Variants in SLC9A9 observed in about 807,000 individuals in gnomAD.
SLC9A9 encodes sodium/hydrogen exchanger 9.
In SLC9A9, 62 loss-of-function variants were observed where a neutral mutation model predicts 77.8. The ratio of observed to expected loss-of-function variants is 0.80; its 90% CI spans 0.65 to 0.98. The LOEUF (loss-of-function observed/expected upper bound fraction) is 0.98. SLC9A9 is among the 50% of genes least tolerant of loss of function. The pLI is 0.00. For synonymous variants in SLC9A9, 320 were observed against 283.5 expected (o/e 1.13, Z -1.29); for missense variants, 775 against 774.9 (o/e 1.00, Z 0.00).
chr3:143,303,671 T>G (rs981507044), intron 14 of SLC9A9, among the ~76,000 whole-genome samples: 8 of 152,226 alleles, frequency 5.3e-5, no homozygotes, highest in African/African-American at 1.9e-4. Context: ...CAGAGAGGTA[T>G]TTATAAGTGA....
intron 8 of SLC9A9, among the ~76,000 whole-genome samples, chr3:143,553,013 C>T (rs566839026): frequency 1.3e-3 from 205 of 152,262 alleles, no homozygotes; most frequent in Non-Finnish European, 2.4e-3. Flanking sequence ...ACCTTGTTTT[C>T]TCCTGTGCCT....
At chr3:143,590,229 G>T (rs1183540736) in intron 6 of SLC9A9, among the ~76,000 whole-genome samples, 1 of 152,184 alleles carries the variant, frequency 6.6e-6, no homozygotes, top group Non-Finnish European at 1.5e-5. Flanking sequence ...CTGGAAAATG[G>T]TGATAACAAT....
chr3:143,273,062 T>C (rs570835801), intron 14 of SLC9A9, among the ~76,000 whole-genome samples: 1 of 152,274 alleles, frequency 6.6e-6, no homozygotes, highest in Non-Finnish European at 1.5e-5. Context: ...TGACATTGAT[T>C]GATCTTTTGT....
intron 5 of SLC9A9, among the ~76,000 whole-genome samples, chr3:143,656,678 C>A (rs185083564): frequency 1.8e-4 from 27 of 152,316 alleles, no homozygotes; most frequent in Non-Finnish European, 5.9e-5. Flanking sequence ...TACAATAGTT[C>A]CTACCCCTGT....
chr3:143,353,887 G>T (rs1001538094), intron 14 of SLC9A9, among the ~76,000 whole-genome samples: 1 of 152,152 alleles, frequency 6.6e-6, no homozygotes, highest in Non-Finnish European at 1.5e-5. Context: ...ACAGCAATAA[G>T]ATCTGTGACA....
chr3:143,488,732 AG>A (rs1160368494), intron 11 of SLC9A9, among the ~76,000 whole-genome samples: 1 of 151,966 alleles, frequency 6.6e-6, no homozygotes, highest in Non-Finnish European at 1.5e-5. Context: ...TAGGAATAGA[AG>A]GAAACTATCT....
chr3:143,759,905 C>T (rs577680464), intron 4 of SLC9A9, among the ~76,000 whole-genome samples: 1 of 152,090 alleles, frequency 6.6e-6, no homozygotes. Context: ...ATTAGAAAGA[C>T]TGGCAACAAA....
chr3:143,321,802 G>A (rs2031431188), intron 14 of SLC9A9, among the ~76,000 whole-genome samples: 1 of 152,154 alleles, frequency 6.6e-6, no homozygotes, highest in African/African-American at 2.4e-5. Flanking sequence ...GCTCTTTAAG[G>A]AAGACTCTAT....
chr3:143,709,007 A>G (rs1934070272), intron 4 of SLC9A9, among the ~76,000 whole-genome samples: 1 of 152,234 alleles, frequency 6.6e-6, no homozygotes, highest in African/African-American at 2.4e-5. Flanking sequence ...ATGAGCAGAT[A>G]GGATCAGACA....
chr3:143,604,456 G>A (rs2037890908), intron 6 of SLC9A9, among the ~76,000 whole-genome samples: 1 of 152,196 alleles, frequency 6.6e-6, no homozygotes, highest in Non-Finnish European at 1.5e-5. Flanking sequence ...AGTAAATGTA[G>A]CAAGCTGGGA....
intron 2 of SLC9A9, among the ~76,000 whole-genome samples, chr3:143,819,802 C>T (rs141525351): frequency 9.9e-5 from 15 of 152,114 alleles, no homozygotes; most frequent in African/African-American, 3.4e-4. Flanking sequence ...TTAAAGTTTC[C>T]TTCATACACA....
At chr3:143,746,656 T>C (rs976190511) in intron 4 of SLC9A9, among the ~76,000 whole-genome samples, 2 of 152,206 alleles carry the variant, frequency 1.3e-5, no homozygotes, top group African/African-American at 2.4e-5. Flanking sequence ...CCCTGCCAAT[T>C]TGAATACATT....
At chr3:143,522,630 C>T (rs2036320664) in intron 9 of SLC9A9, among the ~76,000 whole-genome samples, 1 of 152,026 alleles carries the variant, frequency 6.6e-6, no homozygotes, top group South Asian at 2.1e-4. Context: ...TATATTCCCA[C>T]CAAATATAAA....
At position 143,578,570 on chromosome 3, in the gene SLC9A9, AC is replaced by A; in HGVS notation, c.894+14del. 6.2e-7 allele frequency: 1 copy of A among 1,613,810 alleles called. No homozygotes were observed. The highest frequency in any genetic ancestry group is 1.3e-5 in the African/African-American group (1 of 75,030). On this transcript the variant is annotated intron_variant, in intron 7 of 15. Coordinates refer to ENST00000316549, the MANE Select transcript of SLC9A9 (RefSeq NM_173653.4). ...TCTTGACAGTCCCAGCTTTCCACAT[AC>A]AGACAAAGGATATCAGTGCTGTGAT... is the stretch of plus-strand genomic sequence containing the variant.
intron 12 of SLC9A9, among the ~76,000 whole-genome samples, chr3:143,418,952 C>A (rs1006432540): frequency 1.3e-5 from 2 of 152,096 alleles, no homozygotes; most frequent in Non-Finnish European, 2.9e-5. Context: ...TTTCATAATG[C>A]ATTACGTTAA....
intron 12 of SLC9A9, among the ~76,000 whole-genome samples, chr3:143,396,105 A>C (rs904233831): frequency 2.0e-5 from 3 of 152,194 alleles, no homozygotes; most frequent in Non-Finnish European, 2.9e-5. Flanking sequence ...CTGGGTATAT[A>C]CCCAAAGGAT....
At chr3:143,628,222 C>T (rs945492169) in intron 6 of SLC9A9, among the ~76,000 whole-genome samples, 6 of 152,170 alleles carry the variant, frequency 3.9e-5, no homozygotes, top group Non-Finnish European at 8.8e-5. Flanking sequence ...TACAGATGCA[C>T]CTCCACTTAC....
intron 13 of SLC9A9, among the ~76,000 whole-genome samples, chr3:143,372,742 G>A (rs1399613919): frequency 2.0e-5 from 3 of 152,008 alleles, no homozygotes; most frequent in African/African-American, 7.2e-5. Flanking sequence ...AATCTATAAG[G>A]AACTCAAACG....
intron 14 of SLC9A9, among the ~76,000 whole-genome samples, chr3:143,325,077 GA>G (rs74269489): frequency 0.046 from 3,584 of 77,968 alleles, 73 homozygotes; most frequent in Admixed American, 0.11. Context: ...TTATTAACCA[GA>G]AAAAAAAAAA....
Sources: allele counts gnomAD v4.1 joint callset (sites outside exome capture counted in the v4.1 genomes callset), GRCh38; gene constraint gnomAD v4.1.1; transcripts MANE v1.5; gene names NCBI Gene and HGNC (gene_info 2026-07-23, HGNC 2026-07-21).